Variants in PTN observed in about 807,000 individuals in gnomAD.
The protein encoded by PTN is heparin affin regulatory protein.
A neutral mutation model predicts 24.1 loss-of-function variants in PTN; 18 were observed. That is an observed-to-expected ratio of 0.75 (90% CI 0.52 to 1.11). The LOEUF (loss-of-function observed/expected upper bound fraction) is 1.11, where lower values mean the gene tolerates loss of function less well. Ranked by LOEUF, PTN falls within the 50% of genes least tolerant of loss-of-function variation. The pLI is 0.00. For missense variants in PTN, 163 were observed against 198.8 expected (o/e 0.82, Z 1.08); for synonymous variants, 78 against 68.6 (o/e 1.14, Z -0.67).
chr7:137,307,623 A>G (rs1809910704), intron 1 of PTN, among the ~76,000 whole-genome samples: 1 of 152,132 alleles, frequency 6.6e-6, no homozygotes, highest in South Asian at 2.1e-4. Context: ...GTATTTAATA[A>G]ATATACATTA....
intron 1 of PTN, among the ~76,000 whole-genome samples, chr7:137,283,454 AAAG>A (rs1382084860): frequency 6.6e-6 from 1 of 152,220 alleles, no homozygotes; most frequent in Non-Finnish European, 1.5e-5. Flanking sequence ...AAAAACGAGA[AAAG>A]AAATCAAGGA....
rs76389177 is a variant in PTN at position 137,233,954 on chromosome 7, G to A, written c.452-5879C>T. ...TATACATATATATGTATATGTACAC[G>A]TATACATATACATATATATGTATAT... is the stretch of plus-strand genomic sequence containing the variant. On this transcript the variant is annotated intron_variant, in intron 4 of 4. Coordinates refer to ENST00000348225, the MANE Select transcript of PTN (RefSeq NM_002825.7). Among the ~76,000 whole-genome samples, 1,438 of 144,676 alleles carry A rather than the reference G, an allele frequency of 9.9e-3. 21 individuals carry two copies. Among genetic ancestry groups the A allele is most frequent in the African/African-American group, 0.035 (1,357 of 38,274 alleles). The allele number at this position is 144,676 out of a possible 152,430, so 94.9% of individuals were successfully genotyped here. A position where few individuals can be genotyped will look rare whatever the true frequency, so the allele number is the denominator to read the frequency against.
chr7:137,294,145 C>A (rs1809682983), intron 1 of PTN, among the ~76,000 whole-genome samples: 1 of 152,008 alleles, frequency 6.6e-6, no homozygotes, highest in Non-Finnish European at 1.5e-5. Flanking sequence ...ATATTTTAGA[C>A]CTTAGTTGCG....
intron 4 of PTN, among the ~76,000 whole-genome samples, chr7:137,236,854 CA>C (rs1808530792): frequency 6.6e-6 from 1 of 151,962 alleles, no homozygotes; most frequent in South Asian, 2.1e-4. Context: ...TTTCTATGAT[CA>C]TATCTAATGT....
intron 4 of PTN, among the ~76,000 whole-genome samples, chr7:137,245,462 G>A (rs1808706871): frequency 6.6e-6 from 1 of 152,110 alleles, no homozygotes; most frequent in Non-Finnish European, 1.5e-5. Context: ...TAAACTTACT[G>A]CACTGCTAGT....
chr7:137,249,355 TAGAGCAG>T (rs1808782112), intron 4 of PTN, among the ~76,000 whole-genome samples: 1 of 151,880 alleles, frequency 6.6e-6, no homozygotes, highest in Non-Finnish European at 1.5e-5. Context: ...GATTCCATAC[TAGAGCAG>T]TAGTTCTCAA....
At chr7:137,286,186 T>C (rs1366332910) in intron 1 of PTN, among the ~76,000 whole-genome samples, 1 of 152,184 alleles carries the variant, frequency 6.6e-6, no homozygotes, top group Non-Finnish European at 1.5e-5. Flanking sequence ...ATACTGATAT[T>C]AATTAAGATA....
chr7:137,307,277 T>C (rs1809904310), intron 1 of PTN, among the ~76,000 whole-genome samples: 1 of 152,118 alleles, frequency 6.6e-6, no homozygotes, highest in Non-Finnish European at 1.5e-5. Flanking sequence ...GTTCGGTTCC[T>C]GACAATCTAA....
At chr7:137,319,856 T>A (rs1562922243) in intron 1 of PTN, among the ~76,000 whole-genome samples, 1 of 152,194 alleles carries the variant, frequency 6.6e-6, no homozygotes, top group Non-Finnish European at 1.5e-5. Flanking sequence ...TTCAAGTAGC[T>A]TATAGTGTAA....
In PTN at chr7:137,294,387, G is replaced by A. The variant is rs371450011; in HGVS notation, c.-1-39413C>T. Among the ~76,000 whole-genome samples, 14 of 152,184 alleles carry A rather than the reference G, an allele frequency of 9.2e-5. No homozygotes were observed. In the East Asian group the frequency reaches 1.2e-3, roughly 13 times the overall value. ...GGGCATCATACAGAGAAGTTCTCCCGACTCTCTCTCTGGCTTGGGCAGCCT... is the reference window on the plus strand; with the variant it reads ...GGGCATCATACAGAGAAGTTCTCCCAACTCTCTCTCTGGCTTGGGCAGCCT... On this transcript the variant is annotated intron_variant, in intron 1 of 4. Coordinates refer to ENST00000348225, the MANE Select transcript of PTN (RefSeq NM_002825.7).
chr7:137,288,316 A>C (rs1360542850), intron 1 of PTN, among the ~76,000 whole-genome samples: 1 of 152,182 alleles, frequency 6.6e-6, no homozygotes, highest in Non-Finnish European at 1.5e-5. Flanking sequence ...ATACTGCCTC[A>C]TTTTCCTGGC....
chr7:137,265,073 A>G (rs535682246), intron 1 of PTN, among the ~76,000 whole-genome samples: 1 of 152,134 alleles, frequency 6.6e-6, no homozygotes, highest in South Asian at 2.1e-4. Flanking sequence ...TAACTCATGA[A>G]AAGCTTGCTG....
At position 137,328,843 on chromosome 7, in the gene PTN, G is replaced by A. The variant is rs574905301; in HGVS notation, c.-2+14596C>T. Among the ~76,000 whole-genome samples, 73 of 152,182 alleles carry A rather than the reference G, an allele frequency of 4.8e-4. 1 individual carries two copies. Among genetic ancestry groups the A allele is most frequent in the Non-Finnish European group, 6.6e-4 (45 of 68,008 alleles). ...CAGCAACATTCCTTATCCAAGACAC[G>A]GTAATCTCTTGATCATAAGGAGGTA... On this transcript the variant is annotated intron_variant, in intron 1 of 4. Coordinates refer to ENST00000348225, the MANE Select transcript of PTN (RefSeq NM_002825.7).
chr7:137,292,312 C>T (rs1166499487), intron 1 of PTN, among the ~76,000 whole-genome samples: 1 of 152,046 alleles, frequency 6.6e-6, no homozygotes, highest in African/African-American at 2.4e-5. Context: ...GCTCTGTGTC[C>T]CCACACAAAT....
chr7:137,324,619 C>T (rs1052067182), intron 1 of PTN: 1 of 151,550 alleles, frequency 6.6e-6, no homozygotes, highest in African/African-American at 2.4e-5. Context: ...AATCTACACA[C>T]AGAAAATAAC....
intron 1 of PTN, among the ~76,000 whole-genome samples, chr7:137,282,749 T>C (rs987048413): frequency 6.6e-6 from 1 of 152,202 alleles, no homozygotes; most frequent in African/African-American, 2.4e-5. Context: ...TTAGATTTTC[T>C]CTCTTTGCAA....
At chr7:137,272,121 T>C (rs936077769) in intron 1 of PTN, among the ~76,000 whole-genome samples, 12 of 152,210 alleles carry the variant, frequency 7.9e-5, no homozygotes, top group Admixed American at 2.0e-4. Flanking sequence ...TTCTTCTTTT[T>C]ACCAGATTAT....
At chr7:137,342,825 T>C (rs1003022583) in intron 1 of PTN, among the ~76,000 whole-genome samples, 1 of 152,164 alleles carries the variant, frequency 6.6e-6, no homozygotes, top group African/African-American at 2.4e-5. Context: ...CAGGTGTGTC[T>C]TCTAAACTTT....
intron 1 of PTN, among the ~76,000 whole-genome samples, chr7:137,273,034 G>T (rs1205281857): frequency 1.3e-5 from 2 of 152,164 alleles, no homozygotes; most frequent in African/African-American, 4.8e-5. Context: ...GATTGTGATT[G>T]TGTTTGTGTA....
Sources: gnomAD v4.1 joint callset for allele counts (sites outside exome capture counted in the v4.1 genomes callset) on GRCh38, gnomAD v4.1.1 for gene constraint, MANE v1.5 for transcripts, NCBI Gene and HGNC (gene_info 2026-07-23, HGNC 2026-07-21) for gene names.